The following MYO16 variants were observed in gnomAD, a reference collection of about 807,000 sequenced individuals.
The protein encoded by MYO16 is unconventional myosin-XVI.
In MYO16, 94 loss-of-function variants were observed where a neutral mutation model predicts 205.3. The ratio of observed to expected loss-of-function variants is 0.46; its 90% CI spans 0.39 to 0.54. The LOEUF (loss-of-function observed/expected upper bound fraction) is 0.54. Ranked by LOEUF, MYO16 falls within the 20% of genes least tolerant of loss-of-function variation. The pLI, the probability that MYO16 is intolerant of heterozygous loss-of-function variation, is 0.00. For synonymous variants in MYO16, 988 were observed against 954.0 expected (o/e 1.04, Z -0.66); for missense variants, 2,315 against 2,387.5 (o/e 0.97, Z 0.63).
At chr13:109,195,852 C>T (rs1227598521) in intron 34 of MYO16, among the ~76,000 whole-genome samples, 1 of 152,118 alleles carries the variant, frequency 6.6e-6, no homozygotes, top group African/African-American at 2.4e-5. Flanking sequence ...ATATGATCCA[C>T]AGGAATGCAT....
chr13:108,549,642 T>C, the MYO16 span, among the ~76,000 whole-genome samples: 1 of 151,962 alleles, frequency 6.6e-6, no homozygotes, highest in Non-Finnish European at 1.5e-5. Context: ...TGTGTGAAAG[T>C]CAATCCTTTG....
At chr13:108,960,291 G>GA (rs1431147592) in intron 17 of MYO16, among the ~76,000 whole-genome samples, 6 of 147,668 alleles carry the variant, frequency 4.1e-5, no homozygotes, top group Admixed American at 1.4e-4. Flanking sequence ...AAAAAAAAAG[G>GA]AAAAAAAATA....
chr13:108,788,128 G>A (rs966365210), intron 5 of MYO16, among the ~76,000 whole-genome samples: 7 of 152,048 alleles, frequency 4.6e-5, no homozygotes, highest in Admixed American at 2.0e-4. Context: ...TTCATTTTGC[G>A]TTGTGCAGTT....
At chr13:108,536,278 C>T in the MYO16 span, among the ~76,000 whole-genome samples, 1 of 152,160 alleles carries the variant, frequency 6.6e-6, no homozygotes, top group Non-Finnish European at 1.5e-5. Context: ...TACAGATTTA[C>T]AACTGACTCC....
Position 109,078,938 on chromosome 13 carries a change from G to GTCT in MYO16, c.3336-21846_3336-21844dup, listed in dbSNP as rs530968248. 2.2e-3 allele frequency among the ~76,000 whole-genome samples: 339 copies of GTCT among 152,266 alleles called. 4 individuals carry two copies. The highest frequency in any genetic ancestry group is 0.019 in the Admixed American group (295 of 15,294). ...GTCGTCCTTTTCTGGGACTTAGGTA[G>GTCT]TCTATTCATATGCACGTACTGATCT... On this transcript the variant is annotated intron_variant, in intron 27 of 34. Transcript: ENST00000457511.
At chr13:108,639,936 G>A (rs80030706) in intron 1 of MYO16, among the ~76,000 whole-genome samples, 5,328 of 152,346 alleles carry the variant, frequency 0.035, 138 homozygotes, top group South Asian at 0.13. Flanking sequence ...ACAGCTATGT[G>A]TATGGTGTTA....
At position 108,738,442 on chromosome 13, in the gene MYO16, C is replaced by G. The variant is rs563346013; in HGVS notation, c.507+10859C>G. 2.8e-4 allele frequency among the ~76,000 whole-genome samples: 42 copies of G among 152,148 alleles called. 1 individual carries two copies. Among genetic ancestry groups the G allele is most frequent in the Middle Eastern group, 6.8e-3 (2 of 294 alleles). The stretch of plus-strand genomic sequence containing the variant: ...TGTGTTCAGTTTCCATGTAGTTGAG[C>G]GGTTTTGAGTGAGTTTCTCAATCCT... On this transcript the variant is annotated intron_variant, in intron 4 of 34. Coordinates refer to ENST00000457511, the MANE Select transcript of MYO16 (RefSeq NM_001198950.3).
intron 34 of MYO16, 79 bp downstream of exon 34, chr13:109,179,712 A>G (rs541764202): frequency 1.7e-6 from 2 of 1,153,224 alleles, no homozygotes; most frequent in African/African-American, 1.5e-5. Context: ...CTTGTTACCA[A>G]TAGATGCTCT....
intron 4 of MYO16, among the ~76,000 whole-genome samples, chr13:108,757,913 G>A (rs1393901126): frequency 6.6e-6 from 1 of 152,168 alleles, no homozygotes; most frequent in African/African-American, 2.4e-5. Flanking sequence ...TGGATGCTAT[G>A]GTCTGAATGT....
At chr13:108,992,571 GT>G in intron 21 of MYO16, 123 bp downstream of exon 21, 3 of 577,262 alleles carry the variant, frequency 5.2e-6, no homozygotes, top group South Asian at 5.2e-5. Context: ...GTACTCTAAT[GT>G]TTTAAAATTA....
chr13:109,169,268 G>T (rs184281960), intron 33 of MYO16, among the ~76,000 whole-genome samples: 1 of 152,066 alleles, frequency 6.6e-6, no homozygotes, highest in African/African-American at 2.4e-5. Context: ...AGTGTTAAAA[G>T]GGTCTAGAAA....
intron 1 of MYO16, among the ~76,000 whole-genome samples, chr13:108,661,067 T>A (rs1429637676): frequency 1.3e-5 from 2 of 152,172 alleles, no homozygotes; most frequent in African/African-American, 4.8e-5. Flanking sequence ...GATACAAAAT[T>A]CTTGGCTGAT....
intron 22 of MYO16, among the ~76,000 whole-genome samples, chr13:109,017,158 T>C (rs979292182): frequency 1.3e-5 from 2 of 152,238 alleles, no homozygotes; most frequent in Non-Finnish European, 2.9e-5. Flanking sequence ...AAGGCAGGCC[T>C]GGTGATGACA....
At chr13:109,169,561 AAG>A (rs1293808318) in intron 33 of MYO16, among the ~76,000 whole-genome samples, 2 of 152,178 alleles carry the variant, frequency 1.3e-5, no homozygotes, top group Non-Finnish European at 2.9e-5. Context: ...TAAAAATAGT[AAG>A]AGAATATTAC....
chr13:109,132,270 A>C (rs1322521773), intron 31 of MYO16, among the ~76,000 whole-genome samples: 2 of 151,864 alleles, frequency 1.3e-5, no homozygotes, highest in African/African-American at 4.8e-5. Flanking sequence ...ATGCTTCCAC[A>C]CTCACCCTCC....
chr13:108,547,824 A>G, the MYO16 span, among the ~76,000 whole-genome samples: 1 of 152,224 alleles, frequency 6.6e-6, no homozygotes, highest in Admixed American at 6.5e-5. Context: ...CAGTGTGCAT[A>G]CTGATTAATG....
At chr13:108,881,786 TG>T (rs2139164406) in intron 12 of MYO16, among the ~76,000 whole-genome samples, 1 of 152,262 alleles carries the variant, frequency 6.6e-6, no homozygotes, top group South Asian at 2.1e-4. Flanking sequence ...CCAAGAAATA[TG>T]GGACTATGTG....
intron 1 of MYO16, among the ~76,000 whole-genome samples, chr13:108,639,319 GAAAAA>G (rs1316161944): frequency 1.3e-5 from 2 of 152,162 alleles, no homozygotes; most frequent in African/African-American, 2.4e-5. Flanking sequence ...TCTGATTAGT[GAAAAA>G]TTCTGTGTTG....
At position 109,125,389 on chromosome 13, in the gene MYO16, C is replaced by T. The variant is rs770017853; in HGVS notation, c.3782+31C>T. 1 of 1,611,470 alleles carries T rather than the reference C, an allele frequency of 6.2e-7. No homozygotes were observed. ...GGCAGAGAGCATGCAATTTTAATTA[C>T]CTTTGTGATTGGTTCAGTGGAGTCA... On this transcript the variant is annotated intron_variant, in intron 30 of 34. Coordinates refer to ENST00000457511, the MANE Select transcript of MYO16 (RefSeq NM_001198950.3). This position sits in a 1 kb window ranked among gnomAD's most constrained non-coding sequence, Gnocchi z 4.0.
Sources: allele counts gnomAD v4.1 joint callset (sites outside exome capture counted in the v4.1 genomes callset), GRCh38; gene constraint gnomAD v4.1.1; non-coding constraint Gnocchi (gnomAD v3.1); transcripts MANE v1.5; gene names NCBI Gene and HGNC (gene_info 2026-07-23, HGNC 2026-07-21).